SLC26A7: variants seen among roughly 807,000 people sequenced by gnomAD.
The protein encoded by SLC26A7 is anion exchange transporter.
In SLC26A7, 59 loss-of-function variants were observed where a neutral mutation model predicts 82.5. The observed-to-expected ratio is 0.72, with a 90% CI of 0.58 to 0.89. The LOEUF is 0.89. Among genes scored for constraint, SLC26A7 ranks in the 40% least tolerant of loss-of-function variants. The probability of loss-of-function intolerance (pLI) is 0.00; values close to 1 mark genes in which losing one functional copy is unlikely to be tolerated. For synonymous variants in SLC26A7, 271 were observed against 274.3 expected (o/e 0.99, Z 0.12); for missense variants, 820 against 793.0 (o/e 1.03, Z -0.41).
intron 2 of SLC26A7, among the ~76,000 whole-genome samples, chr8:91,244,254 T>C (rs1179963017): frequency 6.6e-6 from 1 of 152,188 alleles, no homozygotes. Context: ...AAGGCTTTTA[T>C]TAATCCTCAA....
intron 4 of SLC26A7, among the ~76,000 whole-genome samples, chr8:91,306,134 T>C (rs1188249779): frequency 6.6e-6 from 1 of 152,224 alleles, no homozygotes; most frequent in Non-Finnish European, 1.5e-5. Flanking sequence ...GCTGTGAACA[T>C]ATCCATGCTG....
intron 4 of SLC26A7, among the ~76,000 whole-genome samples, chr8:91,298,804 A>T (rs988991117): frequency 5.9e-5 from 9 of 152,172 alleles, no homozygotes; most frequent in African/African-American, 1.9e-4. Context: ...CTGGATTTTC[A>T]TTTTGTTAGG....
At chr8:91,390,260 G>A (rs1221517779) in intron 16 of SLC26A7, among the ~76,000 whole-genome samples, 3 of 151,948 alleles carry the variant, frequency 2.0e-5, no homozygotes, top group African/African-American at 4.8e-5. Flanking sequence ...GGGACTACAG[G>A]CACCTGCCAC....
At chr8:91,214,970 G>A (rs992197231) in intron 1 of SLC26A7, among the ~76,000 whole-genome samples, 4 of 151,972 alleles carry the variant, frequency 2.6e-5, no homozygotes, top group East Asian at 1.9e-4. Flanking sequence ...ATTGGCTCAT[G>A]GTTCCTTTCT....
intron 2 of SLC26A7, among the ~76,000 whole-genome samples, chr8:91,270,318 A>T (rs1378690838): frequency 6.6e-6 from 1 of 152,174 alleles, no homozygotes; most frequent in African/African-American, 2.4e-5. Flanking sequence ...TGAGCACCAG[A>T]ACTTAAATGC....
chr8:91,390,094 T>G (rs2130905816), intron 16 of SLC26A7, among the ~76,000 whole-genome samples: 1 of 151,382 alleles, frequency 6.6e-6, no homozygotes, highest in African/African-American at 2.4e-5. Flanking sequence ...TAAGATTTTT[T>G]TACCTCCCCA....
chr8:91,301,698 A>C (rs961574368), intron 4 of SLC26A7, among the ~76,000 whole-genome samples: 3 of 151,706 alleles, frequency 2.0e-5, no homozygotes, highest in African/African-American at 7.3e-5. Flanking sequence ...TCCTATTTCT[A>C]TCTCTGCTTT....
intron 2 of SLC26A7, among the ~76,000 whole-genome samples, chr8:91,244,097 A>G (rs1457537251): frequency 6.6e-6 from 1 of 152,226 alleles, no homozygotes; most frequent in African/African-American, 2.4e-5. Context: ...AGTTACAGAC[A>G]CACAATTATG....
chr8:91,238,738 A>G (rs1414107271), intron 2 of SLC26A7, among the ~76,000 whole-genome samples: 1 of 152,004 alleles, frequency 6.6e-6, no homozygotes, highest in Non-Finnish European at 1.5e-5. Context: ...CTCATTCTTG[A>G]GTCTTCCTTG....
chr8:91,356,038 T>C (rs373739787), intron 11 of SLC26A7, among the ~76,000 whole-genome samples: 2 of 151,792 alleles, frequency 1.3e-5, no homozygotes, highest in Non-Finnish European at 2.9e-5. Context: ...TTCATCCATG[T>C]CCCTACAAAG....
intron 12 of SLC26A7, among the ~76,000 whole-genome samples, chr8:91,362,725 C>T (rs997133405): frequency 6.6e-6 from 1 of 151,834 alleles, no homozygotes; most frequent in Admixed American, 6.6e-5. Flanking sequence ...AATAAATAAA[C>T]CCCTTGGCCT....
At chr8:91,365,772 T>C (rs1814175430) in intron 13 of SLC26A7, among the ~76,000 whole-genome samples, 1 of 152,238 alleles carries the variant, frequency 6.6e-6, no homozygotes, top group African/African-American at 2.4e-5. Flanking sequence ...CCTCTGTCTG[T>C]ATGCATCGCT....
At chr8:91,318,801 A>G (rs1220552445) in intron 5 of SLC26A7, among the ~76,000 whole-genome samples, 1 of 152,192 alleles carries the variant, frequency 6.6e-6, no homozygotes, top group Non-Finnish European at 1.5e-5. Flanking sequence ...CTGAAGCCTC[A>G]GTAGCAGACA....
At chr8:91,227,596 T>G (rs1322980715) in intron 2 of SLC26A7, among the ~76,000 whole-genome samples, 1 of 152,194 alleles carries the variant, frequency 6.6e-6, no homozygotes, top group East Asian at 1.9e-4. Flanking sequence ...CACAATGGTA[T>G]TAGTTGGATT....
chr8:91,241,328 A>G (rs1810470981), intron 2 of SLC26A7, among the ~76,000 whole-genome samples: 1 of 78,248 alleles, frequency 1.3e-5, no homozygotes, highest in Admixed American at 9.5e-5. Flanking sequence ...TCACATTAAA[A>G]AGCTGAACAA....
At chr8:91,268,444 G>A (rs1253371225) in intron 2 of SLC26A7, among the ~76,000 whole-genome samples, 1 of 151,672 alleles carries the variant, frequency 6.6e-6, no homozygotes, top group Non-Finnish European at 1.5e-5. Flanking sequence ...TTTAAAATAA[G>A]TATAGCTACT....
intron 2 of SLC26A7, among the ~76,000 whole-genome samples, chr8:91,233,612 A>G (rs1810345291): frequency 6.6e-6 from 1 of 152,014 alleles, no homozygotes; most frequent in Non-Finnish European, 1.5e-5. Flanking sequence ...AAGAAAAAGA[A>G]AACGTAGGAG....
At chr8:91,371,286 A>G (rs1051081516) in intron 15 of SLC26A7, among the ~76,000 whole-genome samples, 2 of 151,942 alleles carry the variant, frequency 1.3e-5, no homozygotes, top group African/African-American at 4.8e-5. Context: ...TTTACTTTAA[A>G]TAATTTTTAT....
At chr8:91,254,578 C>T (rs547479105) in intron 2 of SLC26A7, among the ~76,000 whole-genome samples, 1 of 152,134 alleles carries the variant, frequency 6.6e-6, no homozygotes, top group South Asian at 2.1e-4. Context: ...CTGATTTTTA[C>T]AATGTGTTCT....
Sources: allele counts gnomAD v4.1 joint callset (sites outside exome capture counted in the v4.1 genomes callset), GRCh38; gene constraint gnomAD v4.1.1; transcripts MANE v1.5; gene names NCBI Gene and HGNC (gene_info 2026-07-23, HGNC 2026-07-21).